KIAA1671: variants seen among roughly 807,000 people sequenced by gnomAD.
KIAA1671 encodes uncharacterized protein KIAA1671.
In KIAA1671, 52 loss-of-function variants were observed where a neutral mutation model predicts 131.2. The observed-to-expected ratio is 0.40, with a 90% CI of 0.32 to 0.50. The LOEUF is 0.50. Ranked by LOEUF, KIAA1671 falls within the 20% of genes least tolerant of loss-of-function variation. The pLI, the probability that KIAA1671 is intolerant of heterozygous loss-of-function variation, is 0.73. For missense variants in KIAA1671, 2,360 were observed against 2,364.2 expected (o/e 1.00, Z 0.04); for synonymous variants, 1,003 against 961.6 (o/e 1.04, Z -0.80).
intron 1 of KIAA1671, among the ~76,000 whole-genome samples, chr22:24,965,680 C>CAGTGA (rs1423190583): frequency 7.1e-6 from 1 of 140,620 alleles, no homozygotes; most frequent in African/African-American, 2.7e-5. Flanking sequence ...GTGGAGGTTG[C>CAGTGA]AGTGAGCCAA....
chr22:25,091,076 G>T (rs796935760), intron 6 of KIAA1671, among the ~76,000 whole-genome samples: 9 of 151,402 alleles, frequency 5.9e-5, no homozygotes, highest in African/African-American at 2.2e-4. Context: ...ATTTTTTTTT[G>T]AGATGGAGTC....
At chr22:24,982,627 G>T (rs1213672477) in intron 1 of KIAA1671, among the ~76,000 whole-genome samples, 2 of 152,170 alleles carry the variant, frequency 1.3e-5, no homozygotes, top group Non-Finnish European at 2.9e-5. Context: ...GTGGGTGCTG[G>T]GGTAACTTGA....
chr22:25,093,682 GACACACACACAC>G (rs67802603), intron 6 of KIAA1671, among the ~76,000 whole-genome samples: 2,083 of 49,806 alleles, frequency 0.042, 116 homozygotes, highest in South Asian at 0.072. Context: ...CCTGCCCCCC[GACACACACACAC>G]ACACACACAC....
At chr22:24,985,015 G>T (rs996513947) in intron 1 of KIAA1671, among the ~76,000 whole-genome samples, 24 of 151,506 alleles carry the variant, frequency 1.6e-4, no homozygotes, top group African/African-American at 5.8e-4. Flanking sequence ...CCTAGGCCCC[G>T]GGCCCAGATG....
intron 6 of KIAA1671, chr22:25,060,012 G>A (rs1438545468): frequency 2.6e-5 from 4 of 152,076 alleles, no homozygotes; most frequent in Non-Finnish European, 5.9e-5. Context: ...GCCCTTTCCC[G>A]GGGATTCTGC....
chr22:25,063,563 G>A (rs1453294928), intron 6 of KIAA1671: 1 of 142,902 alleles, frequency 7.0e-6, no homozygotes, highest in Non-Finnish European at 1.6e-5. Flanking sequence ...TTGGGGGGAA[G>A]GTTGGGAGGT....
At chr22:25,109,840 G>A (rs1240458671) in intron 6 of KIAA1671, among the ~76,000 whole-genome samples, 1 of 152,142 alleles carries the variant, frequency 6.6e-6, no homozygotes, top group East Asian at 1.9e-4. Context: ...GAATGAGGCT[G>A]GATGTGGTGG....
intron 6 of KIAA1671, among the ~76,000 whole-genome samples, chr22:25,107,416 C>CA: frequency 7.6e-6 from 1 of 131,256 alleles, no homozygotes; most frequent in South Asian, 2.5e-4. Context: ...GACTTCGTCT[C>CA]AAAAAAAAGT....
intron 6 of KIAA1671, among the ~76,000 whole-genome samples, chr22:25,093,388 C>G (rs1930115733): frequency 6.6e-6 from 1 of 152,100 alleles, no homozygotes; most frequent in South Asian, 2.1e-4. Context: ...GGATGGCAAC[C>G]CCTATAGAGT....
At position 25,086,145 on chromosome 22, in the gene KIAA1671, T is replaced by C. The variant is rs114301719; in HGVS notation, c.4530+36781T>C. Among the ~76,000 whole-genome samples, 315 of 152,330 alleles carry C rather than the reference T, an allele frequency of 2.1e-3. 2 individuals are homozygous for C. Among genetic ancestry groups the C allele is most frequent in the African/African-American group, 7.2e-3 (300 of 41,568 alleles). ...GTACACAGCAAGTGCTCATTAATCA[T>C]TTACAGAACTGAATGAAAGAGTGAA... is the stretch of plus-strand genomic sequence containing the variant. On this transcript the variant is annotated intron_variant, in intron 6 of 12. Transcript: ENST00000358431.
chr22:25,190,820 C>T (rs886901596), intron 12 of KIAA1671, 36 bp downstream of exon 12: 22 of 1,429,834 alleles, frequency 1.5e-5, no homozygotes, highest in African/African-American at 1.4e-5. Flanking sequence ...CTGGGAAGAG[C>T]CCTGCAGTCA....
intron 1 of KIAA1671, among the ~76,000 whole-genome samples, chr22:24,982,882 C>T (rs1444749877): frequency 6.6e-6 from 1 of 152,164 alleles, no homozygotes. Flanking sequence ...CATAGGGAGG[C>T]CAGTGGCCTG....
At chr22:25,155,910 T>G (rs918325461) in intron 6 of KIAA1671, among the ~76,000 whole-genome samples, 2 of 148,996 alleles carry the variant, frequency 1.3e-5, no homozygotes, top group Non-Finnish European at 3.0e-5. Flanking sequence ...TGTATATAGT[T>G]TTTTTGTGTA....
intron 1 of KIAA1671, among the ~76,000 whole-genome samples, chr22:24,993,828 C>T (rs1181183593): frequency 6.6e-6 from 1 of 151,742 alleles, no homozygotes; most frequent in African/African-American, 2.4e-5. Flanking sequence ...GCTTGTAATC[C>T]CAGCACTTTG....
intron 6 of KIAA1671, among the ~76,000 whole-genome samples, chr22:25,093,794 C>CTG (rs1568951325): frequency 4.6e-5 from 6 of 129,552 alleles, no homozygotes; most frequent in African/African-American, 1.4e-4. Flanking sequence ...CTCTCTCTCT[C>CTG]TCTCTCTCTC....
At chr22:25,012,271 CTTCTTCTTT>C (rs1925078895) in intron 1 of KIAA1671, 1 of 96,596 alleles carries the variant, frequency 1.0e-5, no homozygotes. Flanking sequence ...CTTTTCTTTT[CTTCTTCTTT>C]TTTTTTTTTC....
At chr22:25,143,246 A>G (rs948674021) in intron 6 of KIAA1671, among the ~76,000 whole-genome samples, 1 of 152,216 alleles carries the variant, frequency 6.6e-6, no homozygotes, top group Non-Finnish European at 1.5e-5. Flanking sequence ...GCAGACACAC[A>G]AGAACTCCCA....
chr22:24,993,747 A>G (rs541092740), intron 1 of KIAA1671, among the ~76,000 whole-genome samples: 5 of 152,282 alleles, frequency 3.3e-5, no homozygotes, highest in African/African-American at 9.6e-5. Flanking sequence ...GGTCAATATC[A>G]TCTTTTGGAA....
chr22:25,093,737 A>ACACACACACTCTCT (rs1568950992), intron 6 of KIAA1671, among the ~76,000 whole-genome samples: 1 of 30,148 alleles, frequency 3.3e-5, no homozygotes, highest in Non-Finnish European at 6.5e-5. Context: ...ACACACACAC[A>ACACACACACTCTCT]CTCTCTCTCT....
Sources: allele counts gnomAD v4.1 joint callset (sites outside exome capture counted in the v4.1 genomes callset), GRCh38; gene constraint gnomAD v4.1.1; transcripts MANE v1.5; gene names NCBI Gene and HGNC (gene_info 2026-07-23, HGNC 2026-07-21).